Variants in SEPTIN9 observed in about 807,000 individuals in gnomAD.
The protein encoded by SEPTIN9 is septin 9.
SEPTIN9 carries 13 observed loss-of-function variants against 56.6 expected under a neutral mutation model. That is an observed-to-expected ratio of 0.23 (90% CI 0.15 to 0.37). The LOEUF (loss-of-function observed/expected upper bound fraction) is 0.37, where lower values mean the gene tolerates loss of function less well. Ranked by LOEUF, SEPTIN9 falls within the 10% of genes least tolerant of loss-of-function variation. SEPTIN9 has a pLI of 1.00. For synonymous variants in SEPTIN9, 332 were observed against 334.1 expected, an observed-to-expected ratio of 0.99 and a Z score of 0.07; for missense variants, 650 against 823.1, an observed-to-expected ratio of 0.79 and a Z score of 2.57.
At position 77,473,370 on chromosome 17, in the gene SEPTIN9, G is replaced by A. The variant is rs190825663; in HGVS notation, c.722-8774G>A. Among the ~76,000 whole-genome samples, 4 of 151,482 alleles carry A rather than the reference G, an allele frequency of 2.6e-5. No individual in the cohort carries two copies. The East Asian group carries it at 7.7e-4, about 29-fold the overall frequency. ...ATTCTGTAAGTTCTCATCACACCAA[G>A]TTTGTTTGTTTTTTTTAATTCTCAT... On this transcript the variant is annotated intron_variant, in intron 3 of 11. Coordinates refer to ENST00000427177, the MANE Select transcript of SEPTIN9 (RefSeq NM_001113491.2).
intron 1 of SEPTIN9, among the ~76,000 whole-genome samples, chr17:77,292,283 C>T (rs1472600969): frequency 2.0e-5 from 3 of 152,206 alleles, no homozygotes; most frequent in Non-Finnish European, 4.4e-5. Context: ...CTCCCCATCA[C>T]CCCTCTACCT....
chr17:77,497,449 C>T (rs1362758648), intron 11 of SEPTIN9, 83 bp downstream of exon 11: 3 of 1,357,994 alleles, frequency 2.2e-6, no homozygotes, highest in Non-Finnish European at 3.1e-6. Flanking sequence ...GGGTGTGGGG[C>T]CGAAGCCCTG....
chr17:77,347,918 G>A (rs2033937216), intron 2 of SEPTIN9, among the ~76,000 whole-genome samples: 2 of 152,124 alleles, frequency 1.3e-5, no homozygotes, highest in African/African-American at 2.4e-5. Context: ...AAGCTAGAAT[G>A]TTCGGTAAGT....
rs1397585548 is a variant in SEPTIN9 at position 77,498,950 on chromosome 17, AG to A, written c.*293del. On this transcript the variant is annotated 3_prime_UTR_variant, in exon 12 of 12. Coordinates refer to ENST00000427177, the MANE Select transcript of SEPTIN9 (RefSeq NM_001113491.2). The stretch of plus-strand genomic sequence containing the variant: ...CCCAGGCCTGGCTCCCCGAGGGCTC[AG>A]AAGAGCAGCTTCGGTGTGCAGATCA... 3.6e-6 allele frequency: 2 copies of A among 554,810 alleles called. No homozygotes were observed. Among genetic ancestry groups the A allele is most frequent in the Admixed American group, 4.4e-5 (2 of 45,484 alleles). 34.4% of individuals were successfully genotyped at this position (554,810 alleles called of 1,614,324 possible). A position where few individuals can be genotyped will look rare whatever the true frequency, so the allele number is the denominator to read the frequency against.
Position 77,304,105 on chromosome 17 carries a change from C to G in SEPTIN9, c.20-3036C>G, listed in dbSNP as rs147410808. Among the ~76,000 whole-genome samples the G allele has an allele frequency of 2.2e-3, 329 of 152,348 alleles. 1 individual carries two copies. The highest frequency in any genetic ancestry group is 7.6e-3 in the African/African-American group (314 of 41,584). ...GGAGACTTTTCTAGCTACCTCTTTGCTGGACTCAGACACAGGCCTGAATAA... is the reference window on the plus strand; with the variant it reads ...GGAGACTTTTCTAGCTACCTCTTTGGTGGACTCAGACACAGGCCTGAATAA... On this transcript the variant is annotated intron_variant, in intron 1 of 11. Transcript: ENST00000427177.
In SEPTIN9 at chr17:77,434,665, C is replaced by T. The variant is rs974234069; in HGVS notation, c.721+31962C>T. Among the ~76,000 whole-genome samples the T allele has an allele frequency of 1.3e-5, 2 of 152,150 alleles. No individual in the cohort carries two copies. Among genetic ancestry groups the T allele is most frequent in the Admixed American group, 6.5e-5 (1 of 15,268 alleles). The stretch of plus-strand genomic sequence containing the variant: ...CGTCCAAGGCATTTGTGGGCACCCC[C>T]GCCCCAGACGTGAGGGTTGGCATCT... On this transcript the variant is annotated intron_variant, in intron 3 of 11. Coordinates refer to ENST00000427177, the MANE Select transcript of SEPTIN9 (RefSeq NM_001113491.2). This position sits in a 1 kb window ranked among gnomAD's most constrained non-coding sequence, Gnocchi z 5.0.
Position 77,329,108 on chromosome 17 carries a change from C to G in SEPTIN9, c.76+21911C>G, listed in dbSNP as rs976153178. 1.3e-5 allele frequency among the ~76,000 whole-genome samples: 2 copies of G among 152,188 alleles called. No homozygotes were observed. Among genetic ancestry groups the G allele is most frequent in the Non-Finnish European group, 1.5e-5 (1 of 68,030 alleles). On this transcript the variant is annotated intron_variant, in intron 2 of 11. Transcript: ENST00000427177. This position sits in a 1 kb window ranked among gnomAD's most constrained non-coding sequence, Gnocchi z 4.3. ...TGCGACAGGCAGGGCCAGGTCGTGC[C>G]GGGCCTTGGAGGCCCTGGTGAGGGC... is the stretch of plus-strand genomic sequence containing the variant.
intron 2 of SEPTIN9, among the ~76,000 whole-genome samples, chr17:77,362,452 G>A (rs1442136352): frequency 2.0e-5 from 3 of 152,212 alleles, no homozygotes; most frequent in Non-Finnish European, 1.5e-5. Flanking sequence ...GTCTGCTGCC[G>A]GTCTCTTCCT....
In SEPTIN9 at chr17:77,300,574, A is replaced by G. The variant is rs370350446; in HGVS notation, c.20-6567A>G. Reference sequence around the variant, plus strand: ...AGCTTGAGTATTTTAGTTGTCCACTAAGTCTGGAGATAAGTCTGGAATTTA... The same window carrying G: ...AGCTTGAGTATTTTAGTTGTCCACTGAGTCTGGAGATAAGTCTGGAATTTA... On this transcript the variant is annotated intron_variant, in intron 1 of 11. Coordinates refer to ENST00000427177, the MANE Select transcript of SEPTIN9 (RefSeq NM_001113491.2). Among the ~76,000 whole-genome samples the G allele has an allele frequency of 3.3e-5, 5 of 152,280 alleles. No individual in the cohort carries two copies. The South Asian group carries it at 1.0e-3, about 32-fold the overall frequency.
At chr17:77,331,137 T>C (rs1203703221) in intron 2 of SEPTIN9, among the ~76,000 whole-genome samples, 1 of 152,184 alleles carries the variant, frequency 6.6e-6, no homozygotes, top group Admixed American at 6.5e-5. Flanking sequence ...GGAGAATCAA[T>C]TGAATCCAGG....
intron 3 of SEPTIN9, among the ~76,000 whole-genome samples, chr17:77,419,045 T>A (rs1243337626): frequency 6.6e-6 from 1 of 152,182 alleles, no homozygotes; most frequent in Non-Finnish European, 1.5e-5. Context: ...TACAACCTGC[T>A]TCCTCTAGCA....
chr17:77,424,835 G>T (rs2036840124), intron 3 of SEPTIN9, among the ~76,000 whole-genome samples: 1 of 152,144 alleles, frequency 6.6e-6, no homozygotes, highest in African/African-American at 2.4e-5. Context: ...CGGTCGCCGG[G>T]CCCCCAAGTG....
intron 3 of SEPTIN9, among the ~76,000 whole-genome samples, chr17:77,408,482 G>A (rs547011767): frequency 1.3e-4 from 20 of 152,300 alleles, no homozygotes; most frequent in Admixed American, 7.2e-4. Flanking sequence ...GTGGCTCTTC[G>A]CATACTTGGT....
rs1037127527 is a variant in SEPTIN9 at position 77,498,812 on chromosome 17, T to C, written c.*154T>C. On this transcript the variant is annotated 3_prime_UTR_variant, in exon 12 of 12. Transcript: ENST00000427177. ...CTGCCAGGAAACAAGGGAAGGGGCC[T>C]CCCTCCGAGTGAGTCAGTGATGAGG... 26 of 606,442 alleles carry C rather than the reference T, an allele frequency of 4.3e-5. No homozygotes were observed. Among genetic ancestry groups the C allele is most frequent in the Non-Finnish European group, 7.6e-5 (25 of 329,718 alleles). 37.6% of individuals were successfully genotyped at this position (606,442 alleles called of 1,614,324 possible).
At chr17:77,358,358 T>G (rs1055429430) in intron 2 of SEPTIN9, among the ~76,000 whole-genome samples, 1 of 152,208 alleles carries the variant, frequency 6.6e-6, no homozygotes. Flanking sequence ...CGGTGGCTCA[T>G]GCCTGTAATC....
chr17:77,382,084 G>A (rs180716203), intron 2 of SEPTIN9, among the ~76,000 whole-genome samples: 77 of 152,100 alleles, frequency 5.1e-4, no homozygotes, highest in African/African-American at 1.8e-3. Flanking sequence ...CTGCAGTGCA[G>A]TGGCGTGATC....
intron 3 of SEPTIN9, among the ~76,000 whole-genome samples, chr17:77,409,442 G>A (rs2036209806): frequency 6.6e-6 from 1 of 152,184 alleles, no homozygotes; most frequent in South Asian, 2.1e-4. Flanking sequence ...AGGAAAGGAG[G>A]GCTGGTCCGG....
chr17:77,467,770 G>A (rs971323941), intron 3 of SEPTIN9, among the ~76,000 whole-genome samples: 6 of 152,230 alleles, frequency 3.9e-5, no homozygotes, highest in African/African-American at 9.6e-5. Flanking sequence ...CGGTGTTACC[G>A]GGGTAGACGG....
chr17:77,475,288 G>A lies in SEPTIN9; in HGVS notation c.722-6856G>A. On this transcript the variant is annotated intron_variant, in intron 3 of 11. Transcript: ENST00000427177. The surrounding 1 kb of genome is among the most constrained non-coding windows in gnomAD (Gnocchi z 4.6). ...TGTCTGGACGCAGAGAGCAGGCTCT[G>A]TGTGGGAGCGGGGAGGGCAAGCCCT... 7.1e-7 allele frequency: 1 copy of A among 1,416,602 alleles called. No homozygotes were observed. The allele number at this position is 1,416,602 out of a possible 1,614,324, so 87.8% of individuals were successfully genotyped here.
Sources: allele counts gnomAD v4.1 joint callset (sites outside exome capture counted in the v4.1 genomes callset), GRCh38; gene constraint gnomAD v4.1.1; non-coding constraint Gnocchi (gnomAD v3.1); transcripts MANE v1.5; gene names NCBI Gene and HGNC (gene_info 2026-07-23, HGNC 2026-07-21).